HROB: variants seen among roughly 807,000 people sequenced by gnomAD.
The protein encoded by HROB is homologous recombination factor with OB-fold.
Under a neutral mutation model 61.0 loss-of-function variants are expected in HROB, and 44 were observed. That is an observed-to-expected ratio of 0.72 (90% CI 0.57 to 0.93). HROB has a LOEUF of 0.93. Among genes scored for constraint, HROB ranks in the 40% least tolerant of loss-of-function variants. HROB has a pLI of 0.00. For synonymous variants in HROB, 301 were observed against 310.4 expected (o/e 0.97, Z 0.32); for missense variants, 716 against 796.2 (o/e 0.90, Z 1.21).
Position 44,143,983 on chromosome 17 carries a change from CT to C in HROB, c.4-1208del, listed in dbSNP as rs879702293. On this transcript the variant is annotated intron_variant, in intron 1 of 9. Coordinates refer to ENST00000585683, the MANE Select transcript of HROB (RefSeq NM_001171251.3). ...AAGAAAGTTTTTTAATCTTTCTTTC[CT>C]TTTTTTTTTTTAAGACAGAGTCTTG... is the stretch of plus-strand genomic sequence containing the variant. 1.8e-3 allele frequency among the ~76,000 whole-genome samples: 266 copies of C among 144,672 alleles called. 1 individual carries two copies. The highest frequency in any genetic ancestry group is 3.5e-3 in the Middle Eastern group (1 of 282). The allele number at this position is 144,672 out of a possible 152,430, so 94.9% of individuals were successfully genotyped here.
chr17:44,148,701 C>G lies in HROB; in HGVS notation c.898C>G (p.Pro300Ala). Residue 300 changes from proline to alanine, a missense_variant, in exon 3 of 10, where the codon CCA (proline) becomes GCA (alanine). Transcript: ENST00000585683. ...CCCTCAAAATCGTTTCCCTTGTCAGCCATTCCAGTCTCCAAGTTCCTGGTT... is the reference window on the plus strand; with the variant it reads ...CCCTCAAAATCGTTTCCCTTGTCAGGCATTCCAGTCTCCAAGTTCCTGGTT... Reference protein sequence around the residue: ...SSPQNRFPCQPFQSPSSWLSG... With the variant: ...SSPQNRFPCQAFQSPSSWLSG... The G allele has an allele frequency of 1.2e-6, 2 of 1,614,170 alleles. No homozygotes were observed. The highest frequency in any genetic ancestry group is 1.7e-6 in the Non-Finnish European group (2 of 1,180,038).
intron 1 of HROB, among the ~76,000 whole-genome samples, chr17:44,144,058 A>G (rs929215087): frequency 6.0e-5 from 9 of 149,974 alleles, no homozygotes; most frequent in Non-Finnish European, 1.3e-4. Context: ...GCTCACTGCA[A>G]CCTCTACCTC....
Position 44,148,528 on chromosome 17 carries a change from C to A in HROB, c.725C>A (p.Pro242His), listed in dbSNP as rs780541398. The change falls in exon 3 of 10, where the codon CCC (proline) becomes CAC (histidine). Residue 242 changes from proline to histidine, a missense_variant. Coordinates refer to ENST00000585683, the MANE Select transcript of HROB (RefSeq NM_001171251.3). ...PVIQCRTPRP[P>H]LRPGAVGHLP... ...ATCCAATGTAGGACTCCACGACCCC[C>A]CTTGAGACCTGGTGCTGTGGGTCAC... The A allele has an allele frequency of 2.3e-5, 37 of 1,613,992 alleles. No homozygotes were observed. The highest frequency in any genetic ancestry group is 3.1e-5 in the Non-Finnish European group (37 of 1,180,024).
chr17:44,155,142 A>G, intron 7 of HROB, 144 bp from the exon 8 acceptor site: 1 of 1,358,114 alleles, frequency 7.4e-7, no homozygotes, highest in East Asian at 2.3e-5. Context: ...GGGTTGTGTT[A>G]AGGGGAGATT....
intron 1 of HROB, among the ~76,000 whole-genome samples, chr17:44,143,204 C>G (rs1016017345): frequency 2.0e-5 from 3 of 152,020 alleles, no homozygotes; most frequent in African/African-American, 7.2e-5. Flanking sequence ...TCACAAAGTG[C>G]TGGGATTACA....
intron 8 of HROB, among the ~76,000 whole-genome samples, chr17:44,157,427 T>TC (rs2054005085): frequency 6.8e-6 from 1 of 146,616 alleles, no homozygotes; most frequent in South Asian, 2.1e-4. Flanking sequence ...TTTTTTTTTT[T>TC]TTTGGAGCAA....
intron 9 of HROB, among the ~76,000 whole-genome samples, chr17:44,161,381 A>G (rs1008065993): frequency 6.6e-6 from 1 of 152,216 alleles, no homozygotes; most frequent in Non-Finnish European, 1.5e-5. Flanking sequence ...GTTCTCGGAC[A>G]TAAGTACCAC....
At chr17:44,159,894 G>GA (rs1430979705) in intron 9 of HROB, among the ~76,000 whole-genome samples, 1 of 152,240 alleles carries the variant, frequency 6.6e-6, no homozygotes, top group Non-Finnish European at 1.5e-5. Context: ...GCATCACAGG[G>GA]AGACGTTGAA....
At chr17:44,147,048 TGAGA>T (rs1555558320) in intron 2 of HROB, among the ~76,000 whole-genome samples, 1 of 149,312 alleles carries the variant, frequency 6.7e-6, no homozygotes, top group South Asian at 2.1e-4. Context: ...TGTGTGTGTG[TGAGA>T]GAGAGAGAGA....
At position 44,160,407 on chromosome 17, in the gene HROB, A is replaced by C. The variant is rs570316400; in HGVS notation, c.1880-1464A>C. ...ATGGTGAAACCCCGTCTCTACTAAAAATACACAAAAAATTAGCCAGGCGTG... is the reference window on the plus strand; with the variant it reads ...ATGGTGAAACCCCGTCTCTACTAAACATACACAAAAAATTAGCCAGGCGTG... On this transcript the variant is annotated intron_variant, in intron 9 of 9. Coordinates refer to ENST00000585683, the MANE Select transcript of HROB (RefSeq NM_001171251.3). Among the ~76,000 whole-genome samples, 90 of 152,210 alleles carry C rather than the reference A, an allele frequency of 5.9e-4. 1 individual carries two copies. Among genetic ancestry groups the C allele is most frequent in the African/African-American group, 2.1e-3 (87 of 41,514 alleles).
chr17:44,148,372 A>C lies in HROB; in HGVS notation c.569A>C (p.Gln190Pro), dbSNP rs1361953609. Residue 190 changes from glutamine (Q) to proline (P), a missense_variant, in exon 3 of 10, where the codon CAG becomes CCG. Physicochemically the swap from Gln to Pro is moderately conservative, Grantham distance 76 (BLOSUM62 -1). Transcript: ENST00000585683. ...GCCATACCAATCCTGCCTGCCCAGC[A>C]GCGGGAGGGTTCAGTATTGGCTAAA... ...SEAIPILPAQ[Q>P]REGSVLAKKA... The C allele has an allele frequency of 1.9e-6, 3 of 1,614,172 alleles. No individual in the cohort carries two copies. Among genetic ancestry groups the C allele is most frequent in the Non-Finnish European group, 2.5e-6 (3 of 1,180,000 alleles).
At chr17:44,157,966 GCAAGAGAGGTT>G in intron 9 of HROB, 25 bp downstream of exon 9, 1 of 1,559,032 alleles carries the variant, frequency 6.4e-7, no homozygotes, top group Non-Finnish European at 8.8e-7. Flanking sequence ...CCATCTGGGA[GCAAGAGAGGTT>G]CTATTTCCTG....
chr17:44,147,767 C>A (rs1219978825), intron 2 of HROB, 91 bp from the exon 3 acceptor site: 10 of 1,279,032 alleles, frequency 7.8e-6, no homozygotes, highest in Admixed American at 2.3e-5. Context: ...AGTATCTACA[C>A]ACAAACATAC....
chr17:44,147,780 G>C, intron 2 of HROB, 78 bp from the exon 3 acceptor site: 1 of 1,356,058 alleles, frequency 7.4e-7, no homozygotes, highest in Non-Finnish European at 1.0e-6. Context: ...AAACATACAC[G>C]CCATGTGCCT....
At chr17:44,160,817 C>A (rs141032148) in intron 9 of HROB, among the ~76,000 whole-genome samples, 1 of 152,274 alleles carries the variant, frequency 6.6e-6, no homozygotes, top group African/African-American at 2.4e-5. Flanking sequence ...TGGAATCTTG[C>A]ATTGCCTGGA....
At chr17:44,142,248 G>A in intron 1 of HROB, 103 bp downstream of exon 1, 1 of 1,344,916 alleles carries the variant, frequency 7.4e-7, no homozygotes, top group Non-Finnish European at 9.6e-7. Flanking sequence ...TTGCAGGACC[G>A]GGGTCTGGGT....
At chr17:44,157,024 C>G (rs1260518792) in intron 8 of HROB, among the ~76,000 whole-genome samples, 2 of 152,080 alleles carry the variant, frequency 1.3e-5, no homozygotes, top group Non-Finnish European at 2.9e-5. Flanking sequence ...TCTCAAACTC[C>G]CGACCTCAAG....
At chr17:44,145,637 T>C (rs2053589056) in intron 2 of HROB, among the ~76,000 whole-genome samples, 1 of 152,246 alleles carries the variant, frequency 6.6e-6, no homozygotes, top group South Asian at 2.1e-4. Flanking sequence ...CAATTGGCTA[T>C]GTGAATCAGG....
rs763162380 is a variant in HROB at position 44,148,535 on chromosome 17, A to T, written c.732A>T (p.Arg244Ser). ...GTAGGACTCCACGACCCCCCTTGAG[A>T]CCTGGTGCTGTGGGTCACCTTCCTG... ...IQCRTPRPPLRPGAVGHLPVP... is the reference protein window; with the variant it reads ...IQCRTPRPPLSPGAVGHLPVP... The change falls in exon 3 of 10, where the codon AGA becomes AGT. Residue 244 changes from arginine (R) to serine (S), a missense_variant. By Grantham distance (110) the Arg-to-Ser change is moderately radical. Transcript: ENST00000585683. 1 of 1,613,944 alleles carries T rather than the reference A, an allele frequency of 6.2e-7. No homozygotes were observed. The highest frequency in any genetic ancestry group is 8.5e-7 in the Non-Finnish European group (1 of 1,179,982).
Sources: allele counts gnomAD v4.1 joint callset (sites outside exome capture counted in the v4.1 genomes callset), GRCh38; gene constraint gnomAD v4.1.1; transcripts MANE v1.5; gene names NCBI Gene and HGNC (gene_info 2026-07-23, HGNC 2026-07-21).